The following NBAS variants were observed in gnomAD, a reference collection of about 807,000 sequenced individuals.
NBAS encodes NAG/BC035112 fusion.
Under a neutral mutation model 302.5 loss-of-function variants are expected in NBAS, and 219 were observed. That is an observed-to-expected ratio of 0.72 (90% CI 0.65 to 0.81). The LOEUF (loss-of-function observed/expected upper bound fraction) is 0.81. Among genes scored for constraint, NBAS ranks in the 30% least tolerant of loss-of-function variants. NBAS has a pLI of 0.00. For synonymous variants in NBAS, 1,118 were observed against 1,021.6 expected, an observed-to-expected ratio of 1.09 and a Z score of -1.80; for missense variants, 2,932 against 2,841.6, an observed-to-expected ratio of 1.03 and a Z score of -0.72.
chr2:15,501,280 CAA>C (rs35909962), intron 11 of NBAS, among the ~76,000 whole-genome samples: 14 of 121,662 alleles, frequency 1.2e-4, no homozygotes, highest in Non-Finnish European at 1.3e-4. Context: ...CACTCTGCCT[CAA>C]AAAAAAAAAA....
At chr2:15,527,651 C>A (rs1662977725) in intron 9 of NBAS, among the ~76,000 whole-genome samples, 1 of 152,140 alleles carries the variant, frequency 6.6e-6, no homozygotes, top group African/African-American at 2.4e-5. Context: ...TTAAAGCCCT[C>A]ATGTCTTAAT....
the NBAS span, among the ~76,000 whole-genome samples, chr2:14,788,709 G>A: frequency 7.9e-5 from 12 of 152,252 alleles, no homozygotes; most frequent in East Asian, 1.9e-4. Context: ...GTACCTGGCC[G>A]TGTGAGGTGT....
chr2:15,267,041 CA>C (rs1237410872), intron 44 of NBAS, among the ~76,000 whole-genome samples: 1 of 152,178 alleles, frequency 6.6e-6, no homozygotes, highest in Admixed American at 6.5e-5. Context: ...TACAAAAAGC[CA>C]TATCAATTTT....
the NBAS span, among the ~76,000 whole-genome samples, chr2:14,826,496 T>C: frequency 6.6e-6 from 1 of 152,306 alleles, no homozygotes; most frequent in African/African-American, 2.4e-5. Flanking sequence ...CATGTAGGGA[T>C]TTGAAAAAAT....
At chr2:15,267,199 A>C (rs1199681147) in intron 44 of NBAS, among the ~76,000 whole-genome samples, 4 of 152,240 alleles carry the variant, frequency 2.6e-5, no homozygotes, top group African/African-American at 9.6e-5. Context: ...ATGCATGCAC[A>C]CATATGCTTC....
intron 43 of NBAS, among the ~76,000 whole-genome samples, chr2:15,276,534 C>T (rs1669589249): frequency 6.6e-6 from 1 of 152,084 alleles, no homozygotes; most frequent in South Asian, 2.1e-4. Context: ...CTTGGCCTTG[C>T]CATTTATATA....
chr2:15,250,741 A>T (rs1385459098), intron 44 of NBAS, among the ~76,000 whole-genome samples: 1 of 152,234 alleles, frequency 6.6e-6, no homozygotes, highest in Admixed American at 6.5e-5. Flanking sequence ...GAGAAATGCA[A>T]ATCAAAACCA....
chr2:15,027,696 T>G, the NBAS span, among the ~76,000 whole-genome samples: 1 of 152,228 alleles, frequency 6.6e-6, no homozygotes, highest in Non-Finnish European at 1.5e-5. Flanking sequence ...GTAGGCTTCC[T>G]CTGCAGATCC....
intron 48 of NBAS, among the ~76,000 whole-genome samples, chr2:15,208,080 T>C (rs561297294): frequency 2.2e-4 from 33 of 152,292 alleles, no homozygotes; most frequent in African/African-American, 7.2e-4. Flanking sequence ...GGCCTTGTAT[T>C]AGTCCATTTT....
intron 41 of NBAS, among the ~76,000 whole-genome samples, chr2:15,287,653 G>A (rs1273111290): frequency 1.3e-5 from 2 of 151,476 alleles, no homozygotes; most frequent in Non-Finnish European, 2.9e-5. Flanking sequence ...TAGGCACCCC[G>A]AGCACCATGT....
chr2:14,907,913 G>T, the NBAS span, among the ~76,000 whole-genome samples: 6 of 152,166 alleles, frequency 3.9e-5, no homozygotes, highest in African/African-American at 1.4e-4. Context: ...AAAATAAGAG[G>T]CTTTTGTCTT....
intron 41 of NBAS, among the ~76,000 whole-genome samples, 193 bp from the exon 42 acceptor site, chr2:15,287,376 T>C (rs553419241): frequency 6.6e-6 from 1 of 152,342 alleles, no homozygotes; most frequent in Non-Finnish European, 1.5e-5. Context: ...CTGTGGTGTA[T>C]TACAATTTAC....
chr2:15,059,952 AAAAAAAAAAAAC>A, the NBAS span, among the ~76,000 whole-genome samples: 3,060 of 101,826 alleles, frequency 0.03, 50 homozygotes, highest in Non-Finnish European at 0.039. Context: ...GCTGCTAAAA[AAAAAAAAAAAAC>A]AAAAAAAAAA....
At chr2:15,027,896 T>C in the NBAS span, among the ~76,000 whole-genome samples, 1 of 152,210 alleles carries the variant, frequency 6.6e-6, no homozygotes, top group African/African-American at 2.4e-5. Context: ...ACTGTGGCCA[T>C]GCAGGCTTTC....
chr2:15,308,452 A>G (rs538223235), intron 39 of NBAS, 99 bp from the exon 40 acceptor site: 12 of 1,464,774 alleles, frequency 8.2e-6, no homozygotes, highest in Non-Finnish European at 1.1e-5. Context: ...TTTTTTGTAC[A>G]AAGTTCCCAT....
At chr2:15,088,504 A>AGTATATTT in the NBAS span, among the ~76,000 whole-genome samples, 34 of 152,292 alleles carry the variant, frequency 2.2e-4, no homozygotes, top group Non-Finnish European at 4.0e-4. Context: ...TAGAGTCTTA[A>AGTATATTT]GTATATTTTC....
At chr2:15,553,900 C>T (rs1301881296) in intron 4 of NBAS, among the ~76,000 whole-genome samples, 161 bp downstream of exon 4, 1 of 139,806 alleles carries the variant, frequency 7.2e-6, no homozygotes, top group African/African-American at 2.6e-5. Flanking sequence ...CTCTTTCCCT[C>T]TCTCTCTAAA....
chr2:14,952,473 A>T, the NBAS span, among the ~76,000 whole-genome samples: 2 of 152,216 alleles, frequency 1.3e-5, no homozygotes, highest in Non-Finnish European at 2.9e-5. Context: ...GAACCCAGGG[A>T]TAACTTGAGA....
At chr2:14,978,810 G>C in the NBAS span, among the ~76,000 whole-genome samples, 1 of 152,212 alleles carries the variant, frequency 6.6e-6, no homozygotes, top group South Asian at 2.1e-4. Context: ...ACATTTCAAT[G>C]ATTCTCTCTC....
Sources: allele counts gnomAD v4.1 joint callset (sites outside exome capture counted in the v4.1 genomes callset), GRCh38; gene constraint gnomAD v4.1.1; transcripts MANE v1.5; gene names NCBI Gene and HGNC (gene_info 2026-07-23, HGNC 2026-07-21).